CNTN5: variants seen among roughly 807,000 people sequenced by gnomAD.
The protein encoded by CNTN5 is contactin-5.
In CNTN5, 77 loss-of-function variants were observed where a neutral mutation model predicts 129.1. The ratio of observed to expected loss-of-function variants is 0.60; its 90% CI spans 0.50 to 0.72. CNTN5 has a LOEUF of 0.72. Ranked by LOEUF, CNTN5 falls within the 30% of genes least tolerant of loss-of-function variation. The pLI is 0.00. For missense variants in CNTN5, 1,478 were observed against 1,328.8 expected (o/e 1.11, Z -1.75); for synonymous variants, 509 against 465.6 (o/e 1.09, Z -1.20).
At chr11:99,122,638 T>C (rs1300518896) in intron 1 of CNTN5, among the ~76,000 whole-genome samples, 2 of 152,240 alleles carry the variant, frequency 1.3e-5, no homozygotes, top group African/African-American at 2.4e-5. Flanking sequence ...GATTATTTAG[T>C]CACGTAGGTA....
rs115029677 is a variant in CNTN5 at position 99,076,675 on chromosome 11, A to T, written c.-210+55405A>T. ...CACAAATACAAAAAATTGGACATTT[A>T]TGTCTACTGTAGTATGACATGATTT... On this transcript the variant is annotated intron_variant, in intron 1 of 24. Coordinates refer to ENST00000524871, the MANE Select transcript of CNTN5 (RefSeq NM_014361.4). Among the ~76,000 whole-genome samples the T allele has an allele frequency of 4.7e-3, 719 of 152,272 alleles. 7 individuals are homozygous for T. Among genetic ancestry groups the T allele is most frequent in the African/African-American group, 0.017 (693 of 41,562 alleles).
rs1952546049 is a variant in CNTN5 at position 100,357,352 on chromosome 11, A to G, written c.*1132A>G. ...AATTAAGCTGTGGAAACATGGCATC[A>G]GTACAGGGATTCAGCTAGTCTAGCC... On this transcript the variant is annotated 3_prime_UTR_variant, in exon 25 of 25. Transcript: ENST00000524871. 1 of 151,822 alleles carries G rather than the reference A, an allele frequency of 6.6e-6. No homozygotes were observed. The highest frequency in any genetic ancestry group is 6.6e-5 in the Admixed American group (1 of 15,174). 9.4% of individuals were successfully genotyped at this position (151,822 alleles called of 1,614,324 possible). A position where few individuals can be genotyped will look rare whatever the true frequency, so the allele number is the denominator to read the frequency against.
At chr11:100,197,140 C>G (rs1359911888) in intron 15 of CNTN5, among the ~76,000 whole-genome samples, 1 of 151,850 alleles carries the variant, frequency 6.6e-6, no homozygotes, top group Non-Finnish European at 1.5e-5. Context: ...TCAGACAGAG[C>G]GAGCACGTTG....
intron 4 of CNTN5, among the ~76,000 whole-genome samples, chr11:99,837,055 A>T (rs1264349014): frequency 6.6e-6 from 1 of 151,914 alleles, no homozygotes; most frequent in Non-Finnish European, 1.5e-5. Context: ...GGTCTTTATG[A>T]CTTGTATCTT....
At chr11:100,227,204 G>A (rs1208321334) in intron 16 of CNTN5, among the ~76,000 whole-genome samples, 1 of 152,084 alleles carries the variant, frequency 6.6e-6, no homozygotes, top group Non-Finnish European at 1.5e-5. Flanking sequence ...AAATTTAAGG[G>A]AAAAAATCTA....
At chr11:99,584,370 G>T (rs567572768) in intron 3 of CNTN5, among the ~76,000 whole-genome samples, 2 of 152,106 alleles carry the variant, frequency 1.3e-5, no homozygotes, top group African/African-American at 4.8e-5. Flanking sequence ...AGCTTCTCAT[G>T]CTGTTGGCCA....
chr11:100,301,871 A>G (rs1233767631), intron 20 of CNTN5, among the ~76,000 whole-genome samples: 1 of 151,624 alleles, frequency 6.6e-6, no homozygotes, highest in African/African-American at 2.4e-5. Context: ...AATTTATTCT[A>G]TATTCTAAAA....
intron 2 of CNTN5, among the ~76,000 whole-genome samples, chr11:99,478,124 A>G (rs1395857038): frequency 6.6e-6 from 1 of 152,070 alleles, no homozygotes; most frequent in East Asian, 1.9e-4. Context: ...AAAACAATGC[A>G]TATTTATTAT....
intron 1 of CNTN5, among the ~76,000 whole-genome samples, chr11:99,127,410 G>A (rs1025201151): frequency 6.6e-6 from 1 of 151,826 alleles, no homozygotes; most frequent in Non-Finnish European, 1.5e-5. Context: ...CTTCTCATCC[G>A]GACTGCTTGA....
At chr11:100,140,082 C>A (rs950322047) in intron 13 of CNTN5, among the ~76,000 whole-genome samples, 1 of 151,986 alleles carries the variant, frequency 6.6e-6, no homozygotes. Context: ...CAAGGGCATC[C>A]CTTAACAGTG....
At chr11:99,033,354 T>G (rs1039046927) in intron 1 of CNTN5, among the ~76,000 whole-genome samples, 3 of 152,200 alleles carry the variant, frequency 2.0e-5, no homozygotes, top group Non-Finnish European at 4.4e-5. Context: ...TAAATTACCT[T>G]GGGCAGTATG....
At chr11:99,582,986 G>A (rs556106570) in intron 3 of CNTN5, among the ~76,000 whole-genome samples, 5 of 152,270 alleles carry the variant, frequency 3.3e-5, no homozygotes, top group African/African-American at 2.4e-5. Flanking sequence ...TGATGGTGAC[G>A]TACAGATGGG....
At chr11:99,727,638 T>C (rs2135073553) in intron 3 of CNTN5, among the ~76,000 whole-genome samples, 1 of 152,246 alleles carries the variant, frequency 6.6e-6, no homozygotes, top group Admixed American at 6.5e-5. Flanking sequence ...ATTACACATT[T>C]TTCAAACCTC....
intron 17 of CNTN5, among the ~76,000 whole-genome samples, chr11:100,269,506 G>A (rs187848284): frequency 9.2e-5 from 14 of 152,216 alleles, no homozygotes; most frequent in African/African-American, 3.1e-4. Context: ...AGATGTGGGA[G>A]AGAGAGGAAA....
intron 3 of CNTN5, among the ~76,000 whole-genome samples, chr11:99,815,928 A>C (rs183830596): frequency 3.9e-5 from 6 of 152,152 alleles, no homozygotes; most frequent in African/African-American, 1.4e-4. Context: ...TGCACCTTGC[A>C]TCTATTTCTT....
intron 8 of CNTN5, among the ~76,000 whole-genome samples, chr11:99,992,646 G>C (rs777034306): frequency 3.3e-5 from 5 of 152,166 alleles, no homozygotes; most frequent in Non-Finnish European, 7.3e-5. Context: ...TTAATAAGTT[G>C]TCCAGGTTTT....
At chr11:99,196,984 A>G (rs1474881908) in intron 1 of CNTN5, among the ~76,000 whole-genome samples, 3 of 151,916 alleles carry the variant, frequency 2.0e-5, no homozygotes, top group African/African-American at 7.2e-5. Flanking sequence ...CAGATGCTAA[A>G]ACATCATGGG....
intron 3 of CNTN5, among the ~76,000 whole-genome samples, chr11:99,582,878 C>T (rs1158712297): frequency 6.6e-6 from 1 of 152,168 alleles, no homozygotes; most frequent in South Asian, 2.1e-4. Context: ...GAGCTGTGTT[C>T]CTTTGGAGGA....
chr11:99,830,054 A>G (rs1268269727), intron 4 of CNTN5, among the ~76,000 whole-genome samples: 2 of 152,056 alleles, frequency 1.3e-5, no homozygotes, highest in East Asian at 1.9e-4. Context: ...TTAGGTTAAG[A>G]TATTTTATTT....
Sources: gnomAD v4.1 joint callset for allele counts (sites outside exome capture counted in the v4.1 genomes callset) on GRCh38, gnomAD v4.1.1 for gene constraint, MANE v1.5 for transcripts, NCBI Gene and HGNC (gene_info 2026-07-23, HGNC 2026-07-21) for gene names.